TBC1D1: variants seen among roughly 807,000 people sequenced by gnomAD.
TBC1D1 encodes the protein TBC1 (tre-2/USP6, BUB2, cdc16) domain family, member 1.
In TBC1D1, 89 loss-of-function variants were observed where a neutral mutation model predicts 125.6. The ratio of observed to expected loss-of-function variants is 0.71; its 90% CI spans 0.60 to 0.85. The LOEUF is 0.85. Ranked by LOEUF, TBC1D1 falls within the 40% of genes least tolerant of loss-of-function variation. The pLI is 0.00. For missense variants in TBC1D1, 1,377 were observed against 1,469.2 expected, an observed-to-expected ratio of 0.94 and a Z score of 1.03; for synonymous variants, 565 against 564.1, an observed-to-expected ratio of 1.00 and a Z score of -0.02.
chr4:37,977,431 C>T lies in TBC1D1; in HGVS notation c.418-37078C>T, dbSNP rs574894198. 184 of 966,422 alleles carry T rather than the reference C, an allele frequency of 1.9e-4. No individual in the cohort carries two copies. The African/African-American group carries it at 2.6e-3, about 14-fold the overall frequency. 59.9% of individuals were successfully genotyped at this position (966,422 alleles called of 1,614,324 possible). A position where few individuals can be genotyped will look rare whatever the true frequency, so the allele number is the denominator to read the frequency against. ...CTCCCCAAGCCCGCCCCCGGCCGCC[C>T]GCGGGCCCACGGGCCGGCGGCGGGA... is the stretch of plus-strand genomic sequence containing the variant. On this transcript the variant is annotated intron_variant, in intron 2 of 19. Coordinates refer to ENST00000261439, the MANE Select transcript of TBC1D1 (RefSeq NM_015173.4). This position sits in a 1 kb window ranked among gnomAD's most constrained non-coding sequence, Gnocchi z 4.3.
intron 3 of TBC1D1, among the ~76,000 whole-genome samples, chr4:38,015,477 T>C (rs1279387939): frequency 6.6e-6 from 1 of 151,808 alleles, no homozygotes; most frequent in Admixed American, 6.6e-5. Context: ...TTTTTTTTTT[T>C]AGAAAAAAAG....
chr4:37,894,440 G>A (rs1355053323), intron 1 of TBC1D1, among the ~76,000 whole-genome samples: 1 of 152,160 alleles, frequency 6.6e-6, no homozygotes. Flanking sequence ...ATGAAGCTGT[G>A]CAGAATGTAG....
chr4:37,984,358 A>G (rs1431967739), intron 2 of TBC1D1, among the ~76,000 whole-genome samples: 1 of 152,220 alleles, frequency 6.6e-6, no homozygotes, highest in Non-Finnish European at 1.5e-5. Flanking sequence ...CAAAGTGCCT[A>G]TACCATTTTG....
Position 38,049,820 on chromosome 4 carries a change from C to T in TBC1D1, c.1832C>T (p.Ala611Val). Residue 611 changes from alanine (A) to valine (V), a missense_variant, in exon 11 of 20, where the codon GCC becomes GTC. Transcript: ENST00000261439. ...GAATGCCAGGAACCTCCACAACCTG[C>T]CCGGGGGTCCCCGGGGGTTTCGCAA... 6.2e-7 allele frequency: 1 copy of T among 1,614,142 alleles called. No homozygotes were observed. Among genetic ancestry groups the T allele is most frequent in the South Asian group, 1.1e-5 (1 of 91,078 alleles).
At chr4:38,058,297 A>C (rs114644640) in intron 12 of TBC1D1, among the ~76,000 whole-genome samples, 2,271 of 152,252 alleles carry the variant, frequency 0.015, 27 homozygotes, top group Middle Eastern at 0.037. Flanking sequence ...GACCACTTTG[A>C]CCCACACTAG....
In TBC1D1 at chr4:38,118,131, C is replaced by T; in HGVS notation, c.2901C>T (p.Ala967=). The T allele has an allele frequency of 6.2e-7, 1 of 1,614,176 alleles. No individual in the cohort carries two copies. Among genetic ancestry groups the T allele is most frequent in the Non-Finnish European group, 8.5e-7 (1 of 1,180,040 alleles). Residue 967 remains alanine, a synonymous_variant, in exon 17 of 20, where the codon GCC becomes GCT. Transcript: ENST00000261439. The stretch of plus-strand genomic sequence containing the variant: ...AGATCGGCCCCAGCCTCTACGCTGC[C>T]CCCTGGTTCCTCACCATGTTTGCCT...
At chr4:38,064,507 C>T (rs1463571926) in intron 12 of TBC1D1, among the ~76,000 whole-genome samples, 1 of 152,168 alleles carries the variant, frequency 6.6e-6, no homozygotes, top group Non-Finnish European at 1.5e-5. Context: ...GCACTGCCCT[C>T]ATGAGTGTGT....
At chr4:37,992,746 G>A (rs1308489621) in intron 2 of TBC1D1, among the ~76,000 whole-genome samples, 12 of 151,294 alleles carry the variant, frequency 7.9e-5, no homozygotes, top group Middle Eastern at 6.9e-3. Flanking sequence ...GCCCGCCTCG[G>A]CCTCCCAAAG....
intron 1 of TBC1D1, among the ~76,000 whole-genome samples, chr4:37,897,862 T>C (rs1714986454): frequency 6.6e-6 from 1 of 152,182 alleles, no homozygotes; most frequent in South Asian, 2.1e-4. Context: ...AGAGAGAGAA[T>C]AAAGAGAAAG....
At chr4:37,980,455 C>T (rs1321014434) in intron 2 of TBC1D1, among the ~76,000 whole-genome samples, 1 of 152,216 alleles carries the variant, frequency 6.6e-6, no homozygotes, top group Non-Finnish European at 1.5e-5. Flanking sequence ...TTGAGTATAT[C>T]TACTGTTTCT....
At chr4:38,067,749 CA>C (rs1331210233) in intron 12 of TBC1D1, among the ~76,000 whole-genome samples, 3 of 152,190 alleles carry the variant, frequency 2.0e-5, no homozygotes, top group African/African-American at 7.2e-5. Context: ...GCCCCTGGTG[CA>C]GGTCCCAGTG....
At chr4:37,966,648 A>C (rs1578080710) in intron 2 of TBC1D1, among the ~76,000 whole-genome samples, 1 of 152,078 alleles carries the variant, frequency 6.6e-6, no homozygotes, top group Non-Finnish European at 1.5e-5. Flanking sequence ...TTTAATTATT[A>C]TACTTTAAGT....
Position 37,960,614 on chromosome 4 carries a change from C to A in TBC1D1, c.418-53895C>A. On this transcript the variant is annotated intron_variant, in intron 2 of 19. Coordinates refer to ENST00000261439, the MANE Select transcript of TBC1D1 (RefSeq NM_015173.4). ...CTCCATCAGCCTTACCTAAAGCTAC[C>A]AGAAAGGCTTTGGGCACTGTCAACA... 4 of 1,614,148 alleles carry A rather than the reference C, an allele frequency of 2.5e-6. No individual in the cohort carries two copies. The African/African-American group carries it at 4.0e-5, about 16-fold the overall frequency.
intron 12 of TBC1D1, among the ~76,000 whole-genome samples, chr4:38,087,856 A>AAAAAAAAG (rs1194675392): frequency 2.3e-5 from 3 of 131,098 alleles, no homozygotes; most frequent in African/African-American, 9.0e-5. Context: ...AAAAAAAAAA[A>AAAAAAAAG]AAAAAAGAAA....
rs1733408464 is a variant in TBC1D1, at chr4:37,977,496, C to T, written c.418-37013C>T. ...GCGGGCGAAGAGCCGCCGCCCGGCC[C>T]GCGATGTCACCATTGTTCAGCTGGG... On this transcript the variant is annotated intron_variant, in intron 2 of 19. Coordinates refer to ENST00000261439, the MANE Select transcript of TBC1D1 (RefSeq NM_015173.4). This position sits in a 1 kb window ranked among gnomAD's most constrained non-coding sequence, Gnocchi z 4.3. 2 of 991,320 alleles carry T rather than the reference C, an allele frequency of 2.0e-6. No individual in the cohort carries two copies. The highest frequency in any genetic ancestry group is 1.8e-5 in the African/African-American group (1 of 56,768). The allele number at this position is 991,320 out of a possible 1,614,324, so 61.4% of individuals were successfully genotyped here.
intron 6 of TBC1D1, among the ~76,000 whole-genome samples, chr4:38,026,955 A>G (rs987976876): frequency 1.3e-5 from 2 of 152,254 alleles, no homozygotes; most frequent in African/African-American, 4.8e-5. Context: ...GGAACCTGGT[A>G]TGCAAGAGAA....
intron 17 of TBC1D1, among the ~76,000 whole-genome samples, chr4:38,122,932 T>C (rs1394848377): frequency 6.6e-6 from 1 of 152,212 alleles, no homozygotes; most frequent in Non-Finnish European, 1.5e-5. Flanking sequence ...CCAAATTTCC[T>C]TTCCGGGAAA....
At position 37,902,140 on chromosome 4, in the gene TBC1D1, C is replaced by T. The variant is rs144039014; in HGVS notation, c.45C>T (p.Asn15=). The T allele has an allele frequency of 3.3e-4, 529 of 1,611,870 alleles. 1 individual carries two copies. In the African/African-American group the frequency reaches 5.9e-3, roughly 18 times the overall value. Residue 15 remains asparagine (N), a synonymous_variant, in exon 2 of 20, where the codon AAC becomes AAT. Coordinates refer to ENST00000261439, the MANE Select transcript of TBC1D1 (RefSeq NM_015173.4). ...CAGCAAGGAAACATCTGCTTTCTAACGAGGTCTCGGTGGATTTTGGCCTGC... is the reference window on the plus strand; with the variant it reads ...CAGCAAGGAAACATCTGCTTTCTAATGAGGTCTCGGTGGATTTTGGCCTGC...
intron 2 of TBC1D1, among the ~76,000 whole-genome samples, chr4:37,965,711 A>C (rs1205388369): frequency 1.3e-5 from 2 of 152,148 alleles, no homozygotes; most frequent in African/African-American, 2.4e-5. Flanking sequence ...GAAGGCTGCC[A>C]GGTGCAAACC....
Sources: gnomAD v4.1 joint callset for allele counts (sites outside exome capture counted in the v4.1 genomes callset) on GRCh38, gnomAD v4.1.1 for gene constraint, Gnocchi (gnomAD v3.1) non-coding constraint, MANE v1.5 for transcripts, NCBI Gene and HGNC (gene_info 2026-07-23, HGNC 2026-07-21) for gene names.